The following PCDH15 variants were observed in gnomAD, a reference collection of about 807,000 sequenced individuals.
PCDH15 encodes the protein protocadherin-15.
In PCDH15, 129 loss-of-function variants were observed where a neutral mutation model predicts 178.5. That is an observed-to-expected ratio of 0.72 (90% CI 0.63 to 0.84). PCDH15 has a LOEUF of 0.84. PCDH15 is among the 40% of genes least tolerant of loss of function. The pLI, the probability that PCDH15 is intolerant of heterozygous loss-of-function variation, is 0.00. For missense variants in PCDH15, 2,230 were observed against 2,099.9 expected (o/e 1.06, Z -1.21); for synonymous variants, 800 against 732.0 (o/e 1.09, Z -1.50).
chr10:54,734,445 CATT>C (rs1171850564), intron 1 of PCDH15, among the ~76,000 whole-genome samples: 1 of 151,824 alleles, frequency 6.6e-6, no homozygotes, highest in African/African-American at 2.4e-5. Context: ...CACACTCATG[CATT>C]GCTGGTGAAA....
intron 2 of PCDH15, among the ~76,000 whole-genome samples, chr10:55,333,803 A>T (rs185819830): frequency 6.6e-6 from 1 of 151,688 alleles, no homozygotes; most frequent in Non-Finnish European, 1.5e-5. Flanking sequence ...AAATTTCAAG[A>T]AAAAAAAGCT....
intron 6 of PCDH15, among the ~76,000 whole-genome samples, chr10:54,334,682 AAC>A (rs3069761): frequency 0.01 from 1,555 of 150,114 alleles, 10 homozygotes; most frequent in African/African-American, 0.023. Context: ...ATTTCTAAAG[AAC>A]ACACACACAC....
chr10:55,443,763 AC>A (rs1839250232), intron 2 of PCDH15, among the ~76,000 whole-genome samples: 1 of 152,134 alleles, frequency 6.6e-6, no homozygotes, highest in Admixed American at 6.6e-5. Flanking sequence ...ATACCATTTG[AC>A]CCAGCAATTC....
intron 2 of PCDH15, among the ~76,000 whole-genome samples, chr10:54,567,001 T>A (rs536447779): frequency 2.6e-5 from 4 of 152,302 alleles, no homozygotes; most frequent in South Asian, 4.1e-4. Context: ...TTTGGTGTCA[T>A]CAGGGTTTAG....
chr10:54,141,582 T>G (rs370890854), intron 14 of PCDH15, among the ~76,000 whole-genome samples: 3 of 143,276 alleles, frequency 2.1e-5, no homozygotes, highest in African/African-American at 7.8e-5. Flanking sequence ...GACTGGGCTG[T>G]TTTTTTAAGA....
At chr10:54,013,285 G>A (rs2092645929) in intron 20 of PCDH15, among the ~76,000 whole-genome samples, 1 of 152,144 alleles carries the variant, frequency 6.6e-6, no homozygotes, top group Non-Finnish European at 1.5e-5. Flanking sequence ...CCTACAAAGA[G>A]ACTTCGATTT....
At chr10:54,342,762 A>T (rs1942492139) in intron 6 of PCDH15, among the ~76,000 whole-genome samples, 2 of 152,284 alleles carry the variant, frequency 1.3e-5, no homozygotes, top group South Asian at 4.1e-4. Context: ...ATAGCTGCCC[A>T]AGGCCTTGGA....
intron 2 of PCDH15, among the ~76,000 whole-genome samples, chr10:55,509,558 G>A (rs996610187): frequency 2.0e-5 from 3 of 151,838 alleles, no homozygotes; most frequent in African/African-American, 7.2e-5. Context: ...ACTTAGCAAT[G>A]TACATGTGAT....
chr10:54,364,117 C>T (rs1410645661), intron 5 of PCDH15, among the ~76,000 whole-genome samples: 1 of 151,294 alleles, frequency 6.6e-6, no homozygotes, highest in Non-Finnish European at 1.5e-5. Flanking sequence ...GAGGCTGAGG[C>T]AGGAGAATCG....
At chr10:54,354,962 G>C (rs1005938429) in intron 5 of PCDH15, among the ~76,000 whole-genome samples, 1 of 151,994 alleles carries the variant, frequency 6.6e-6, no homozygotes, top group African/African-American at 2.4e-5. Flanking sequence ...GATAGATTCA[G>C]AGGTAATGTT....
intron 1 of PCDH15, among the ~76,000 whole-genome samples, chr10:55,261,082 G>A (rs1842136430): frequency 6.6e-6 from 1 of 152,132 alleles, no homozygotes; most frequent in South Asian, 2.1e-4. Context: ...AAACAGAACA[G>A]TGAAATAGTA....
At chr10:55,085,106 T>A (rs1842134848) in intron 2 of PCDH15, among the ~76,000 whole-genome samples, 1 of 151,868 alleles carries the variant, frequency 6.6e-6, no homozygotes, top group Admixed American at 6.6e-5. Context: ...AATCAGTAAA[T>A]CAAAGAGATA....
At chr10:55,369,033 AC>A (rs869230851) in intron 2 of PCDH15, among the ~76,000 whole-genome samples, 523 of 144,200 alleles carry the variant, frequency 3.6e-3, no homozygotes, top group African/African-American at 0.013. Flanking sequence ...AAAAAAAAAA[AC>A]CCCAGCAAGA....
intron 2 of PCDH15, among the ~76,000 whole-genome samples, chr10:55,427,342 G>A (rs903086072): frequency 2.6e-5 from 4 of 152,240 alleles, no homozygotes; most frequent in Admixed American, 1.3e-4. Context: ...AATGTTATAA[G>A]GGTGTCAAGT....
At chr10:55,358,067 G>A (rs1309463667) in intron 2 of PCDH15, among the ~76,000 whole-genome samples, 1 of 152,054 alleles carries the variant, frequency 6.6e-6, no homozygotes, top group African/African-American at 2.4e-5. Context: ...TGAAGTGGGG[G>A]TGAAGAGCTC....
At chr10:55,157,951 T>G (rs972503960) in intron 2 of PCDH15, among the ~76,000 whole-genome samples, 2 of 15,680 alleles carry the variant, frequency 1.3e-4, no homozygotes, top group Non-Finnish European at 3.0e-4. Flanking sequence ...ACTTAAAGGA[T>G]AATTTAAAAA....
intron 3 of PCDH15, among the ~76,000 whole-genome samples, chr10:54,473,250 A>G (rs1400858540): frequency 6.6e-6 from 1 of 152,178 alleles, no homozygotes; most frequent in African/African-American, 2.4e-5. Flanking sequence ...CTAAGAAAGT[A>G]AAACATAAGC....
intron 1 of PCDH15, among the ~76,000 whole-genome samples, chr10:54,785,397 C>T (rs910503696): frequency 6.6e-6 from 1 of 152,056 alleles, no homozygotes; most frequent in African/African-American, 2.4e-5. Context: ...TTTTAGCTCT[C>T]TAATTAACTC....
At chr10:54,531,221 T>A (rs940801135) in intron 2 of PCDH15, among the ~76,000 whole-genome samples, 1 of 152,128 alleles carries the variant, frequency 6.6e-6, no homozygotes, top group African/African-American at 2.4e-5. Context: ...AAATCACAAA[T>A]TCATTGTTTT....
Sources: gnomAD v4.1 joint callset for allele counts (sites outside exome capture counted in the v4.1 genomes callset) on GRCh38, gnomAD v4.1.1 for gene constraint, MANE v1.5 for transcripts, NCBI Gene and HGNC (gene_info 2026-07-23, HGNC 2026-07-21) for gene names.